CUL9: variants seen among roughly 807,000 people sequenced by gnomAD.
CUL9 encodes cullin-9.
Under a neutral mutation model 272.6 loss-of-function variants are expected in CUL9, and 79 were observed. The ratio of observed to expected loss-of-function variants is 0.29; its 90% confidence interval spans 0.24 to 0.35. The LOEUF is 0.35. Ranked by LOEUF, CUL9 falls within the 10% of genes least tolerant of loss-of-function variation. The pLI is 1.00. For synonymous variants in CUL9, 1,186 were observed against 1,286.5 expected, an observed-to-expected ratio of 0.92 and a Z score of 1.67; for missense variants, 2,532 against 3,255.6, an observed-to-expected ratio of 0.78 and a Z score of 5.41.
intron 36 of CUL9, 44 bp from the exon 37 acceptor site, chr6:43,222,487 G>T: frequency 2.5e-6 from 4 of 1,609,562 alleles, no homozygotes; most frequent in Non-Finnish European, 3.4e-6. Context: ...GGCAGGTGGT[G>T]CTGCGCCACC....
chr6:43,199,909 C>G lies in CUL9; in HGVS notation c.3157-20C>G. On this transcript the variant is annotated intron_variant, in intron 13 of 40. Coordinates refer to ENST00000252050, the MANE Select transcript of CUL9 (RefSeq NM_015089.4). The surrounding 1 kb of genome is among the most constrained non-coding windows in gnomAD (Gnocchi z 4.4). ...TACCTCTTGTTTCCTGTAAATTAAT[C>G]TATGTGGCTCTGGGCTCAGATTGTT... 1 of 1,585,882 alleles carries G rather than the reference C, an allele frequency of 6.3e-7. No homozygotes were observed. Among genetic ancestry groups the G allele is most frequent in the Admixed American group, 1.7e-5 (1 of 59,952 alleles).
intron 1 of CUL9, among the ~76,000 whole-genome samples, chr6:43,183,242 T>C (rs6924555): frequency 0.29 from 43,404 of 152,072 alleles, 8,512 homozygotes; most frequent in African/African-American, 0.56. Flanking sequence ...TCTTATCTAC[T>C]TAACTTACTT....
Position 43,184,326 on chromosome 6 carries a change from C to T in CUL9, c.16C>T (p.His6Tyr), listed in dbSNP as rs1376590526. ...GGAGGTCAGGATGGTGGGGGAACGGCATGCTGGGGACCTCATGGTGCCCTT... is the reference window on the plus strand; with the variant it reads ...GGAGGTCAGGATGGTGGGGGAACGGTATGCTGGGGACCTCATGGTGCCCTT... The part of the protein sequence containing the change: MVGER[H>Y]AGDLMVPLGP... Residue 6 changes from histidine to tyrosine, a missense_variant, in exon 2 of 41, where the codon CAT becomes TAT. This residue lies in a region of CUL9 where 2,218 missense variants were observed against 2,788.6 expected (regional missense o/e 0.80). Coordinates refer to ENST00000252050, the MANE Select transcript of CUL9 (RefSeq NM_015089.4). The surrounding 1 kb of genome is among the most constrained non-coding windows in gnomAD (Gnocchi z 4.8). 3.3e-6 allele frequency: 5 copies of T among 1,528,258 alleles called. No individual in the cohort carries two copies. The highest frequency in any genetic ancestry group is 4.4e-6 in the Non-Finnish European group (5 of 1,133,160). The allele number at this position is 1,528,258 out of a possible 1,614,324, so 94.7% of individuals were successfully genotyped here.
Position 43,220,685 on chromosome 6 carries a change from G to A in CUL9, c.6424-62G>A, listed in dbSNP as rs1465552458. ...TGGGCTGAGCTATGGGGTGCTGGGG[G>A]CCTGGAGGTGTGGCATCCTGGAGAG... On this transcript the variant is annotated intron_variant, in intron 32 of 40. Coordinates refer to ENST00000252050, the MANE Select transcript of CUL9 (RefSeq NM_015089.4). The surrounding 1 kb of genome is among the most constrained non-coding windows in gnomAD (Gnocchi z 4.9). The A allele has an allele frequency of 5.0e-6, 8 of 1,603,476 alleles. No homozygotes were observed. The highest frequency in any genetic ancestry group is 6.8e-6 in the Non-Finnish European group (8 of 1,173,886).
intron 30 of CUL9, 116 bp downstream of exon 30, chr6:43,215,442 C>G: frequency 7.1e-7 from 1 of 1,401,440 alleles, no homozygotes; most frequent in South Asian, 1.5e-5. Flanking sequence ...TTTTCCCTAT[C>G]CCTGTTATTT....
At position 43,215,297 on chromosome 6, in the gene CUL9, T is replaced by G. The variant is rs1286685566; in HGVS notation, c.5907T>G (p.Cys1969Trp). The G allele has an allele frequency of 6.2e-7, 1 of 1,612,798 alleles. No individual in the cohort carries two copies. The highest frequency in any genetic ancestry group is 8.5e-7 in the Non-Finnish European group (1 of 1,179,714). ...GGGGTCAGGCAGATGTCCCTTTCTG[T>G]GGCAGCCAGAGCGAAACCTCCAAGC... The part of the protein sequence containing the change: ...PCRGQADVPF[C>W]GSQSETSKPS... The change falls in exon 30 of 41, where the codon TGT (cysteine) becomes TGG (tryptophan). Residue 1969 changes from cysteine to tryptophan, a missense_variant. Physicochemically the swap from Cys to Trp is radical, Grantham distance 215. Around this residue, in one of 3 missense-constraint regions of CUL9, gnomAD observed 2,218 missense variants for 2,788.6 expected, o/e 0.80. Transcript: ENST00000252050.
chr6:43,221,421 A>T lies in CUL9; in HGVS notation c.6752+100A>T. ...GGCTTAGTGTAAAGCTCAGCAAAAG[A>T]GGGTGGTTCCTCAGCCGCCCCTCAC... On this transcript the variant is annotated intron_variant, in intron 34 of 40. Transcript: ENST00000252050. This position sits in a 1 kb window ranked among gnomAD's most constrained non-coding sequence, Gnocchi z 4.2. The T allele has an allele frequency of 1.4e-6, 2 of 1,399,778 alleles. No homozygotes were observed. The highest frequency in any genetic ancestry group is 9.5e-7 in the Non-Finnish European group (1 of 1,050,890). 86.7% of individuals were successfully genotyped at this position (1,399,778 alleles called of 1,614,324 possible). A position where few individuals can be genotyped will look rare whatever the true frequency, so the allele number is the denominator to read the frequency against.
Position 43,206,107 on chromosome 6 carries a change from C to A in CUL9, c.4894C>A (p.Leu1632Met). 6.2e-7 allele frequency: 1 copy of A among 1,614,212 alleles called. No individual in the cohort carries two copies. Among genetic ancestry groups the A allele is most frequent in the Non-Finnish European group, 8.5e-7 (1 of 1,180,052 alleles). Residue 1632 changes from leucine to methionine, a missense_variant, in exon 25 of 41, where the codon CTG (leucine) becomes ATG (methionine). By Grantham distance (15) the Leu-to-Met change is conservative. Around this residue, in one of 3 missense-constraint regions of CUL9, gnomAD observed 2,218 missense variants for 2,788.6 expected, o/e 0.80. Transcript: ENST00000252050. This position sits in a 1 kb window ranked among gnomAD's most constrained non-coding sequence, Gnocchi z 4.8. The stretch of plus-strand genomic sequence containing the variant: ...CTGTTTTCCCAACCGCCTCCCACAG[C>A]TGATGCTGCAGAGCCTGAGCACCTC... ...GLCFPNRLPQLMLQSLSTSEE... is the reference protein window; with the variant it reads ...GLCFPNRLPQMMLQSLSTSEE...
At chr6:43,190,032 C>A (rs1773300674) in intron 8 of CUL9, among the ~76,000 whole-genome samples, 4 of 150,248 alleles carry the variant, frequency 2.7e-5, no homozygotes, top group African/African-American at 7.3e-5. Context: ...TTTTTTTTGC[C>A]CCCGCTCAGT....
At position 43,185,616 on chromosome 6, in the gene CUL9, C is replaced by T. The variant is rs1442510512; in HGVS notation, c.750+6C>T. The T allele has an allele frequency of 9.3e-6, 15 of 1,609,806 alleles. No homozygotes were observed. The highest frequency in any genetic ancestry group is 1.3e-5 in the Non-Finnish European group (15 of 1,179,236). On this transcript the variant is annotated splice_donor_region_variant and intron_variant, in intron 3 of 40. Transcript: ENST00000252050. ...AGGGCATTCATCTGCCTCAGGTACA[C>T]TGCCAGCTGTAGGGAAATGCTGTGT...
At chr6:43,209,966 A>G (rs995918396) in intron 26 of CUL9, among the ~76,000 whole-genome samples, 1 of 150,874 alleles carries the variant, frequency 6.6e-6, no homozygotes, top group Non-Finnish European at 1.5e-5. Context: ...TTTTTATTTT[A>G]TTTTGTTTTT....
chr6:43,184,338 C>T lies in CUL9; in HGVS notation c.28C>T (p.Leu10Phe), dbSNP rs147913062. 1.2e-5 allele frequency: 19 copies of T among 1,551,324 alleles called. No homozygotes were observed. The African/African-American group carries it at 2.2e-4, about 18-fold the overall frequency. Residue 10 changes from leucine to phenylalanine, a missense_variant, in exon 2 of 41, where the codon CTC (leucine) becomes TTC (phenylalanine). Physicochemically the swap from Leu to Phe is conservative, Grantham distance 22. Around this residue, in one of 3 missense-constraint regions of CUL9, gnomAD observed 2,218 missense variants for 2,788.6 expected, o/e 0.80. Coordinates refer to ENST00000252050, the MANE Select transcript of CUL9 (RefSeq NM_015089.4). This position sits in a 1 kb window ranked among gnomAD's most constrained non-coding sequence, Gnocchi z 4.8. Reference sequence around the variant, plus strand: ...GGTGGGGGAACGGCATGCTGGGGACCTCATGGTGCCCTTAGGGCCTCGGCT... The same window carrying T: ...GGTGGGGGAACGGCATGCTGGGGACTTCATGGTGCCCTTAGGGCCTCGGCT... MVGERHAGD[L>F]MVPLGPRLQA...
Position 43,206,144 on chromosome 6 carries a change from A to G in CUL9, c.4931A>G (p.Gln1644Arg). 6.2e-7 allele frequency: 1 copy of G among 1,614,148 alleles called. No homozygotes were observed. ...LQSLSTSEELQRQFHLFQLQR... is the reference protein window; with the variant it reads ...LQSLSTSEELRRQFHLFQLQR... Reference sequence around the variant, plus strand: ...AGCCTGAGCACCTCTGAGGAGCTGCAGCGCCAGTTCCACCTCTTCCAGCTC... The same window carrying G: ...AGCCTGAGCACCTCTGAGGAGCTGCGGCGCCAGTTCCACCTCTTCCAGCTC... The change falls in exon 25 of 41, where the codon CAG becomes CGG. Residue 1644 changes from glutamine (Q) to arginine (R), a missense_variant. Transcript: ENST00000252050. This position sits in a 1 kb window ranked among gnomAD's most constrained non-coding sequence, Gnocchi z 4.8.
Position 43,191,481 on chromosome 6 carries a change from AT to A in CUL9, c.2181-1496del, listed in dbSNP as rs34090146. ...AGGAATGAGCCACCACACCCAGCTAATTTTTTTTTTTTTTTTTTTTTTTTAC... is the reference window on the plus strand; with the variant it reads ...AGGAATGAGCCACCACACCCAGCTAATTTTTTTTTTTTTTTTTTTTTTTAC... On this transcript the variant is annotated intron_variant, in intron 8 of 40. Coordinates refer to ENST00000252050, the MANE Select transcript of CUL9 (RefSeq NM_015089.4). Among the ~76,000 whole-genome samples, 594 of 97,452 alleles carry A rather than the reference AT, an allele frequency of 6.1e-3. 4 individuals carry two copies. The highest frequency in any genetic ancestry group is 0.025 in the Admixed American group (230 of 9,318). 63.9% of individuals were successfully genotyped at this position (97,452 alleles called of 152,430 possible).
At chr6:43,212,543 G>T (rs1775602879) in intron 26 of CUL9, among the ~76,000 whole-genome samples, 1 of 152,026 alleles carries the variant, frequency 6.6e-6, no homozygotes, top group South Asian at 2.1e-4. Flanking sequence ...AAAATAATAT[G>T]GTGGTTCTCT....
At position 43,213,219 on chromosome 6, in the gene CUL9, G is replaced by T. The variant is rs917898216; in HGVS notation, c.5283G>T (p.Glu1761Asp). ...RLQWTWLGRA[E>D]LQFGKQILHV... ...AGTGGACGTGGCTGGGCCGGGCTGA[G>T]CTGCAGTTTGGGAAGCAGATACTGC... The change falls in exon 27 of 41, where the codon GAG (glutamate) becomes GAT (aspartate). Residue 1761 changes from glutamate to aspartate, a missense_variant. By Grantham distance (45) the Glu-to-Asp change is conservative. Around this residue, in one of 3 missense-constraint regions of CUL9, gnomAD observed 2,218 missense variants for 2,788.6 expected, o/e 0.80. Transcript: ENST00000252050. The surrounding 1 kb of genome is among the most constrained non-coding windows in gnomAD (Gnocchi z 5.7). 5.0e-6 allele frequency: 8 copies of T among 1,614,008 alleles called. No homozygotes were observed. The highest frequency in any genetic ancestry group is 5.9e-6 in the Non-Finnish European group (7 of 1,180,042).
At chr6:43,216,006 G>T in intron 30 of CUL9, 152 bp from the exon 31 acceptor site, 1 of 667,052 alleles carries the variant, frequency 1.5e-6, no homozygotes, top group South Asian at 1.9e-5. Flanking sequence ...TGGAGGATCT[G>T]CTCTGACGGT....
chr6:43,198,610 A>G lies in CUL9; in HGVS notation c.2805A>G (p.Ala935=). 1 of 1,614,142 alleles carries G rather than the reference A, an allele frequency of 6.2e-7. No individual in the cohort carries two copies. The highest frequency in any genetic ancestry group is 8.5e-7 in the Non-Finnish European group (1 of 1,180,010). ...TCCCTCTGGTGTGTCTGGCTGCAGC[A>G]CTAGAGACCCCCATCATCCAGGGTC... ...SEPPGSPERA[A]LETPIIQGQD... The change falls in exon 12 of 41, where the codon GCA becomes GCG. Residue 935 remains alanine (A), a splice_region_variant and synonymous_variant. Transcript: ENST00000252050.
At position 43,206,387 on chromosome 6, in the gene CUL9, A is replaced by G. The variant is rs745825102; in HGVS notation, c.5089A>G (p.Ile1697Val). ...FIEDPSPAIS[I>V]LVLSPRCWPV... Reference sequence around the variant, plus strand: ...CGAAGATCCAAGTCCAGCCATTTCTATACTGGTCCTGTCACCACGCTGCTG... The same window carrying G: ...CGAAGATCCAAGTCCAGCCATTTCTGTACTGGTCCTGTCACCACGCTGCTG... The change falls in exon 26 of 41, where the codon ATA becomes GTA. Residue 1697 changes from isoleucine to valine, a missense_variant. Ile to Val is a conservative substitution (Grantham distance 29). Coordinates refer to ENST00000252050, the MANE Select transcript of CUL9 (RefSeq NM_015089.4). The surrounding 1 kb of genome is among the most constrained non-coding windows in gnomAD (Gnocchi z 4.8). 1.1e-5 allele frequency: 17 copies of G among 1,614,190 alleles called. No homozygotes were observed. The East Asian group carries it at 3.3e-4, about 32-fold the overall frequency.
Sources: gnomAD v4.1 joint callset for allele counts (sites outside exome capture counted in the v4.1 genomes callset) on GRCh38, gnomAD v4.1.1 for gene constraint, gnomAD v4.1.1 regional missense constraint, Gnocchi (gnomAD v3.1) non-coding constraint, MANE v1.5 for transcripts, NCBI Gene and HGNC (gene_info 2026-07-23, HGNC 2026-07-21) for gene names.